Variants in ICA1 observed in about 807,000 individuals in gnomAD.
The protein encoded by ICA1 is islet cell autoantigen 1, also known as 69 kDa islet cell autoantigen.
Under a neutral mutation model 71.0 loss-of-function variants are expected in ICA1, and 40 were observed. That is an observed-to-expected ratio of 0.56 (90% CI 0.44 to 0.73). The LOEUF (loss-of-function observed/expected upper bound fraction) is 0.73, where lower values mean the gene tolerates loss of function less well. ICA1 is among the 30% of genes least tolerant of loss of function. The pLI, the probability that ICA1 is intolerant of heterozygous loss-of-function variation, is 0.00. For synonymous variants in ICA1, 207 were observed against 209.5 expected (o/e 0.99, Z 0.10); for missense variants, 578 against 576.5 (o/e 1.00, Z -0.03).
At chr7:8,251,377 T>C (rs1808140318) in intron 1 of ICA1, among the ~76,000 whole-genome samples, 1 of 150,802 alleles carries the variant, frequency 6.6e-6, no homozygotes, top group African/African-American at 2.4e-5. Context: ...AATCCATGAC[T>C]ATGTCACACA....
chr7:8,258,560 T>G lies in ICA1; in HGVS notation c.-80+3534A>C, dbSNP rs1473221733. On this transcript the variant is annotated intron_variant, in intron 1 of 13. Coordinates refer to ENST00000402384, the MANE Select transcript of ICA1 (RefSeq NM_001136020.3). ...GGAGTATCCTCGCAATACGGCCAAG[T>G]TGACATAATGATTTATATTCATTTC... Among the ~76,000 whole-genome samples, 58 of 152,204 alleles carry G rather than the reference T, an allele frequency of 3.8e-4. 1 individual carries two copies. Among genetic ancestry groups the G allele is most frequent in the Non-Finnish European group, 8.8e-5 (6 of 68,028 alleles).
intron 1 of ICA1, among the ~76,000 whole-genome samples, chr7:8,239,531 TCTCATTG>T: frequency 6.6e-6 from 1 of 152,332 alleles, no homozygotes; most frequent in Non-Finnish European, 1.5e-5. Flanking sequence ...ACCTGGTTCA[TCTCATTG>T]GGACTGGTTG....
intron 1 of ICA1, among the ~76,000 whole-genome samples, chr7:8,250,691 T>G (rs2128524328): frequency 6.6e-6 from 1 of 152,338 alleles, no homozygotes; most frequent in Admixed American, 6.5e-5. Flanking sequence ...TGCAATGATT[T>G]TTGATATTTC....
intron 6 of ICA1, among the ~76,000 whole-genome samples, chr7:8,211,264 GT>G (rs1190822379): frequency 2.6e-5 from 4 of 152,056 alleles, no homozygotes; most frequent in Non-Finnish European, 5.9e-5. Flanking sequence ...ATAAAAAAGA[GT>G]TTCCATTATC....
intron 13 of ICA1, among the ~76,000 whole-genome samples, chr7:8,122,825 A>G (rs918398264): frequency 5.9e-5 from 9 of 152,276 alleles, no homozygotes. Flanking sequence ...GTTTTTGGGA[A>G]TTTGGAACAA....
In ICA1 at chr7:8,222,619, T is replaced by C. The variant is rs1439284147; in HGVS notation, c.257-1221A>G. Reference sequence around the variant, plus strand: ...AAACTCGATACTGCTACCTTATTAATTTGTGACTATAGTTTCACCCTAAAC... The same window carrying C: ...AAACTCGATACTGCTACCTTATTAACTTGTGACTATAGTTTCACCCTAAAC... On this transcript the variant is annotated intron_variant, in intron 4 of 13. Transcript: ENST00000402384. The surrounding 1 kb of genome is among the most constrained non-coding windows in gnomAD (Gnocchi z 4.8). 1.3e-5 allele frequency among the ~76,000 whole-genome samples: 2 copies of C among 152,202 alleles called. No homozygotes were observed. The highest frequency in any genetic ancestry group is 1.5e-5 in the Non-Finnish European group (1 of 68,030).
chr7:8,139,746 G>A (rs2128118540), intron 10 of ICA1, among the ~76,000 whole-genome samples: 1 of 152,262 alleles, frequency 6.6e-6, no homozygotes, highest in East Asian at 1.9e-4. Flanking sequence ...TTAATAGTGG[G>A]AAAGGCTATG....
At chr7:8,253,925 G>A (rs1421416059) in intron 1 of ICA1, among the ~76,000 whole-genome samples, 1 of 152,158 alleles carries the variant, frequency 6.6e-6, no homozygotes, top group African/African-American at 2.4e-5. Flanking sequence ...GAAATTGCAC[G>A]TAAGCATAAT....
chr7:8,220,192 G>C (rs553941487), intron 5 of ICA1, among the ~76,000 whole-genome samples: 1 of 152,278 alleles, frequency 6.6e-6, no homozygotes, highest in Admixed American at 6.5e-5. Flanking sequence ...AATGTGTGGA[G>C]AACTACTAGA....
intron 6 of ICA1, among the ~76,000 whole-genome samples, chr7:8,193,273 G>A (rs1386421125): frequency 6.6e-6 from 1 of 152,172 alleles, no homozygotes; most frequent in Admixed American, 6.5e-5. Flanking sequence ...ATGTATGCAT[G>A]CATGTATGTG....
At chr7:8,243,280 G>A (rs922447972) in intron 1 of ICA1, among the ~76,000 whole-genome samples, 5 of 152,086 alleles carry the variant, frequency 3.3e-5, no homozygotes, top group South Asian at 2.1e-4. Context: ...ATCAATACAC[G>A]TAATCCATCA....
chr7:8,233,044 A>G (rs1454458125), intron 2 of ICA1, among the ~76,000 whole-genome samples: 1 of 152,202 alleles, frequency 6.6e-6, no homozygotes, highest in East Asian at 1.9e-4. Context: ...CACCCCTTTT[A>G]GAGGTGGAGA....
rs913534846 is a variant in ICA1 at position 8,173,963 on chromosome 7, A to G, written c.580-15311T>C. On this transcript the variant is annotated intron_variant, in intron 6 of 13. Coordinates refer to ENST00000402384, the MANE Select transcript of ICA1 (RefSeq NM_001136020.3). This position sits in a 1 kb window ranked among gnomAD's most constrained non-coding sequence, Gnocchi z 4.0. ...TATTGTCTGTTGGTGAAAATAAAGC[A>G]TTGTAAGAAAGATATGAGTGCAGGG... is the stretch of plus-strand genomic sequence containing the variant. Among the ~76,000 whole-genome samples the G allele has an allele frequency of 3.3e-5, 5 of 152,182 alleles. No individual in the cohort carries two copies. In the South Asian group the frequency reaches 1.0e-3, roughly 32 times the overall value.
At chr7:8,187,271 C>T (rs1382435315) in intron 6 of ICA1, among the ~76,000 whole-genome samples, 1 of 152,190 alleles carries the variant, frequency 6.6e-6, no homozygotes, top group East Asian at 1.9e-4. Flanking sequence ...TTCTCTTAGG[C>T]TGCAAACCTG....
chr7:8,160,230 T>C (rs781392685), intron 6 of ICA1, among the ~76,000 whole-genome samples: 2 of 152,224 alleles, frequency 1.3e-5, no homozygotes, highest in African/African-American at 4.8e-5. Flanking sequence ...GATCATTTTA[T>C]ATAAAATACA....
At chr7:8,249,131 C>T (rs1400901013) in intron 1 of ICA1, among the ~76,000 whole-genome samples, 1 of 152,246 alleles carries the variant, frequency 6.6e-6, no homozygotes, top group Non-Finnish European at 1.5e-5. Context: ...GCTACAGGCT[C>T]CCTGTGATGG....
chr7:8,213,831 T>C (rs904442591), intron 6 of ICA1, among the ~76,000 whole-genome samples: 1 of 152,172 alleles, frequency 6.6e-6, no homozygotes, highest in African/African-American at 2.4e-5. Flanking sequence ...CATTTGTTAA[T>C]AAACCTTCTC....
intron 6 of ICA1, among the ~76,000 whole-genome samples, chr7:8,169,366 T>G (rs1255383495): frequency 6.6e-6 from 1 of 152,154 alleles, no homozygotes; most frequent in Non-Finnish European, 1.5e-5. Context: ...TCATTTCTCT[T>G]TGGTAAATGT....
intron 1 of ICA1, among the ~76,000 whole-genome samples, chr7:8,261,518 C>G (rs900027496): frequency 6.6e-6 from 1 of 152,168 alleles, no homozygotes; most frequent in African/African-American, 2.4e-5. Flanking sequence ...CTGAGCACCT[C>G]GCCCCCGGGG....
Sources: gnomAD v4.1 joint callset for allele counts (sites outside exome capture counted in the v4.1 genomes callset) on GRCh38, gnomAD v4.1.1 for gene constraint, Gnocchi (gnomAD v3.1) non-coding constraint, MANE v1.5 for transcripts, NCBI Gene and HGNC (gene_info 2026-07-23, HGNC 2026-07-21) for gene names.